The following POMGNT1 variants were observed in gnomAD, a reference collection of about 807,000 sequenced individuals.
POMGNT1 encodes protein O-linked-mannose beta-1,2-N-acetylglucosaminyltransferase 1.
A neutral mutation model predicts 95.6 loss-of-function variants in POMGNT1; 67 were observed. The observed-to-expected ratio is 0.70, with a 90% CI of 0.58 to 0.86. The LOEUF (loss-of-function observed/expected upper bound fraction) is 0.86. Ranked by LOEUF, POMGNT1 falls within the 40% of genes least tolerant of loss-of-function variation. The pLI is 0.00. For synonymous variants in POMGNT1, 298 were observed against 317.9 expected, an observed-to-expected ratio of 0.94 and a Z score of 0.66; for missense variants, 719 against 855.2, an observed-to-expected ratio of 0.84 and a Z score of 1.99.
At chr1:46,192,286 C>T (rs149964748) in intron 16 of POMGNT1, 22 bp downstream of exon 16, 11 of 1,614,054 alleles carry the variant, frequency 6.8e-6, no homozygotes, top group East Asian at 2.2e-5. Context: ...CTCCAGCCCC[C>T]TCACCCTACC....
chr1:46,191,197 C>T (rs2148177769), intron 17 of POMGNT1: 1 of 297,724 alleles, frequency 3.4e-6, no homozygotes, highest in South Asian at 3.3e-5. Context: ...CTGAGGGAAG[C>T]GCCTGCCCCT....
At chr1:46,202,923 GTGTGTGTGTGT>G (rs1418685250), upstream of POMGNT1, among the ~76,000 whole-genome samples, 4 of 89,208 alleles carry the variant, frequency 4.5e-5, no homozygotes, top group East Asian at 1.0e-3. Flanking sequence ...GGGGGGTGGT[GTGTGTGTGTGT>G]GTGTGTGTGT....
chr1:46,217,352 A>G (rs1659099434), intron 1 of POMGNT1, among the ~76,000 whole-genome samples: 1 of 152,168 alleles, frequency 6.6e-6, no homozygotes, highest in Admixed American at 6.6e-5. Context: ...GCTGATAACT[A>G]CATAGCAAAC....
At chr1:46,215,113 C>T (rs1659024384) in intron 1 of POMGNT1, among the ~76,000 whole-genome samples, 1 of 151,046 alleles carries the variant, frequency 6.6e-6, no homozygotes, top group Non-Finnish European at 1.5e-5. Flanking sequence ...GTAGTCCCAG[C>T]TGCTTGGGAG....
upstream of POMGNT1, among the ~76,000 whole-genome samples, chr1:46,199,750 G>T (rs1658479502): frequency 6.6e-6 from 1 of 152,196 alleles, no homozygotes; most frequent in Admixed American, 6.5e-5. Context: ...TCTGCTTCCT[G>T]AATGGTGGGG....
chr1:46,209,662 G>A (rs146984179), intron 1 of POMGNT1, among the ~76,000 whole-genome samples: 3,042 of 149,000 alleles, frequency 0.02, 92 homozygotes, highest in African/African-American at 0.069. Flanking sequence ...ACATGCACCC[G>A]CCACCACACA....
At chr1:46,211,220 G>A (rs1344552933) in intron 1 of POMGNT1, among the ~76,000 whole-genome samples, 3 of 151,994 alleles carry the variant, frequency 2.0e-5, no homozygotes, top group African/African-American at 4.8e-5. Context: ...CTCTCTCTGC[G>A]GCATTCCTTC....
chr1:46,197,351 G>C, intron 2 of POMGNT1: 1 of 1,482,010 alleles, frequency 6.7e-7, no homozygotes. Context: ...GATTTCCTTG[G>C]TCCCCTCCAT....
At chr1:46,203,334 G>A, upstream of POMGNT1, 1 of 1,194,084 alleles carries the variant, frequency 8.4e-7, no homozygotes, top group Non-Finnish European at 1.1e-6. Context: ...GGGACCCACC[G>A]GTTTTGCTCC....
rs186444670 is a variant in POMGNT1, at chr1:46,197,800, G to T, written c.22C>A (p.Pro8Thr). Residue 8 changes from proline to threonine, a missense_variant, in exon 2 of 22, where the codon CCC (proline) becomes ACC (threonine). Around this residue, in one of 5 missense-constraint regions of POMGNT1, gnomAD observed 466 missense variants for 517.4 expected, o/e 0.90. Coordinates refer to ENST00000371984, the MANE Select transcript of POMGNT1 (RefSeq NM_017739.4). Reference sequence around the variant, plus strand: ...CGAGCCCCAAAGGGCTTGATGAGGGGGCTGGGCTTCCAGTCGTCCATACCG... The same window carrying T: ...CGAGCCCCAAAGGGCTTGATGAGGGTGCTGGGCTTCCAGTCGTCCATACCG... MDDWKPS[P>T]LIKPFGARKK... 2.2e-5 allele frequency: 36 copies of T among 1,614,152 alleles called. No homozygotes were observed. The African/African-American group carries it at 4.1e-4, about 19-fold the overall frequency.
rs546009899 is a variant in POMGNT1, at chr1:46,197,583, T to C, written c.120+119A>G. 7 of 1,573,132 alleles carry C rather than the reference T, an allele frequency of 4.4e-6. No individual in the cohort carries two copies. The South Asian group carries it at 6.7e-5, about 15-fold the overall frequency. ...ACATGACACATAGAGGTCTCCCCTC[T>C]AGGAACCTGCTGCCCCTTTCCCACT... is the stretch of plus-strand genomic sequence containing the variant. On this transcript the variant is annotated intron_variant, in intron 2 of 21. Transcript: ENST00000371984.
Position 46,189,267 on chromosome 1 carries a change from G to A in POMGNT1, c.*3C>T. The A allele has an allele frequency of 1.9e-6, 3 of 1,613,108 alleles. No individual in the cohort carries two copies. Among genetic ancestry groups the A allele is most frequent in the Non-Finnish European group, 1.7e-6 (2 of 1,179,536 alleles). On this transcript the variant is annotated 3_prime_UTR_variant, in exon 22 of 22. Coordinates refer to ENST00000371984, the MANE Select transcript of POMGNT1 (RefSeq NM_017739.4). ...CCAGCCCCGCAGGGTCCTGGAGGAG[G>A]TCTCATGTCTGTTCTGGGGCTCCTG...
At position 46,198,394 on chromosome 1, in the gene POMGNT1, C is replaced by T. The variant is rs1260205973; in HGVS notation, c.-109G>A. The T allele has an allele frequency of 6.6e-6, 1 of 152,034 alleles. No individual in the cohort carries two copies. Among genetic ancestry groups the T allele is most frequent in the East Asian group, 1.9e-4 (1 of 5,172 alleles). 9.4% of individuals were successfully genotyped at this position (152,034 alleles called of 1,614,324 possible). On this transcript the variant is annotated 5_prime_UTR_variant, in exon 1 of 22. Coordinates refer to ENST00000371984, the MANE Select transcript of POMGNT1 (RefSeq NM_017739.4). ...CTAGGGCCCTCACTGCTCGGCCCGG[C>T]TCGCCGCGGCCTCCGCCTCCTCCAT...
rs1201476826 is a variant in POMGNT1, at chr1:46,194,865, C to T, written c.631G>A (p.Ala211Thr). ...GCACCTCCTTTTCGTCCCACGAAGG[C>T]CCATGTGTCCCTCCAGCCCAGGGCA... ...GPALGWRDTW[A>T]FVGRKGGPVF... is the part of the protein sequence containing the mutation. The change falls in exon 7 of 22, where the codon GCC becomes ACC. Residue 211 changes from alanine to threonine, a missense_variant. Transcript: ENST00000371984. 6.2e-7 allele frequency: 1 copy of T among 1,614,112 alleles called. No individual in the cohort carries two copies. Among genetic ancestry groups the T allele is most frequent in the South Asian group, 1.1e-5 (1 of 91,076 alleles).
chr1:46,208,199 C>T (rs1019056740), intron 1 of POMGNT1, among the ~76,000 whole-genome samples: 2 of 151,932 alleles, frequency 1.3e-5, no homozygotes, highest in Non-Finnish European at 2.9e-5. Context: ...TGCTATGTTG[C>T]CCAGGCCAGT....
chr1:46,198,528 GGCGGCGGCGGCGGTGGCGGCA>G (rs1658420347), upstream of POMGNT1: 1 of 147,218 alleles, frequency 6.8e-6, no homozygotes, highest in Non-Finnish European at 1.4e-5. Flanking sequence ...GGGCGGCGGC[GGCGGCGGCGGCGGTGGCGGCA>G]GCGGCGTCGG....
At chr1:46,210,666 T>C (rs1300835050) in intron 1 of POMGNT1, among the ~76,000 whole-genome samples, 1 of 152,194 alleles carries the variant, frequency 6.6e-6, no homozygotes, top group East Asian at 1.9e-4. Context: ...GATGAAGAGA[T>C]GCATGGGGCA....
At position 46,194,345 on chromosome 1, in the gene POMGNT1, T is replaced by C. The variant is rs1216011919; in HGVS notation, c.808A>G (p.Ser270Gly). ...ELNRRRRRFC[S>G]KVEGYGSVCS... Reference sequence around the variant, plus strand: ...ACACTTCCATAGCCCTCAACTTTGCTGCAGAAGCGCCGGCGGCGACGGTTC... The same window carrying C: ...ACACTTCCATAGCCCTCAACTTTGCCGCAGAAGCGCCGGCGGCGACGGTTC... The change falls in exon 9 of 22, where the codon AGC becomes GGC. Residue 270 changes from serine (S) to glycine (G), a missense_variant. Ser to Gly is a moderately conservative substitution (Grantham distance 56, BLOSUM62 0). This residue lies in a region of POMGNT1 where 466 missense variants were observed against 517.4 expected (regional missense o/e 0.90). Coordinates refer to ENST00000371984, the MANE Select transcript of POMGNT1 (RefSeq NM_017739.4). 1 of 1,614,224 alleles carries C rather than the reference T, an allele frequency of 6.2e-7. No homozygotes were observed. The highest frequency in any genetic ancestry group is 1.7e-5 in the Admixed American group (1 of 60,028).
rs773920830 is a variant in POMGNT1, at chr1:46,194,641, G to C, written c.663C>G (p.Phe221Leu). 1.9e-6 allele frequency: 3 copies of C among 1,614,102 alleles called. No homozygotes were observed. The highest frequency in any genetic ancestry group is 2.5e-6 in the Non-Finnish European group (3 of 1,180,024). The change falls in exon 8 of 22, where the codon TTC (phenylalanine) becomes TTG (leucine). Residue 221 changes from phenylalanine (F) to leucine (L), a missense_variant. This residue lies in a region of POMGNT1 where 466 missense variants were observed against 517.4 expected (regional missense o/e 0.90). Transcript: ENST00000371984. ...AFVGRKGGPVFGEKHSKSPAL... is the reference protein window; with the variant it reads ...AFVGRKGGPVLGEKHSKSPAL... ...CAGGTGATTTAGAATGTTTCTCCCC[G>C]AAGACAGGACCTGGCAGGAGGCAGG...
Sources: allele counts gnomAD v4.1 joint callset (sites outside exome capture counted in the v4.1 genomes callset), GRCh38; gene constraint gnomAD v4.1.1; regional missense constraint gnomAD v4.1.1; transcripts MANE v1.5; gene names NCBI Gene and HGNC (gene_info 2026-07-23, HGNC 2026-07-21).